SLC2A14: variants seen among roughly 807,000 people sequenced by gnomAD.
SLC2A14 encodes solute carrier family 2, facilitated glucose transporter member 14.
SLC2A14 carries 13 observed loss-of-function variants against 43.0 expected under a neutral mutation model. The observed-to-expected ratio is 0.30, with a 90% confidence interval of 0.20 to 0.48. SLC2A14 has a LOEUF of 0.48. SLC2A14 is among the 20% of genes least tolerant of loss of function. The pLI is 0.99. For missense variants in SLC2A14, 428 were observed against 620.4 expected (o/e 0.69, Z 3.29); for synonymous variants, 190 against 233.8 (o/e 0.81, Z 1.71).
intron 7 of SLC2A14, among the ~76,000 whole-genome samples, chr12:7,822,232 T>A (rs1863978830): frequency 6.6e-6 from 1 of 152,034 alleles, no homozygotes; most frequent in Admixed American, 6.5e-5. Context: ...GCGCTAGGAT[T>A]ACAGGCGTGA....
chr12:7,880,023 C>A (rs1945538191), intron 1 of SLC2A14, among the ~76,000 whole-genome samples: 1 of 151,088 alleles, frequency 6.6e-6, no homozygotes, highest in African/African-American at 2.4e-5. Context: ...AAACAACAGG[C>A]CGGGCATCAT....
intron 7 of SLC2A14, among the ~76,000 whole-genome samples, chr12:7,822,893 G>A (rs754289605): frequency 6.6e-6 from 1 of 152,158 alleles, no homozygotes; most frequent in East Asian, 1.9e-4. Context: ...ACACTGATAG[G>A]CACATTGATG....
At chr12:7,839,832 T>C (rs1865775003) in intron 2 of SLC2A14, 1 of 449,990 alleles carries the variant, frequency 2.2e-6, no homozygotes, top group Non-Finnish European at 4.4e-6. Flanking sequence ...TCAGCACTTT[T>C]GGAGGTCAAG....
chr12:7,877,026 T>C (rs981217902), upstream of SLC2A14, among the ~76,000 whole-genome samples: 6 of 149,374 alleles, frequency 4.0e-5, no homozygotes, highest in African/African-American at 1.5e-4. Context: ...TTTTTTGATA[T>C]GGAGTCTCGC....
At chr12:7,875,766 C>T (rs1244583244), upstream of SLC2A14, among the ~76,000 whole-genome samples, 7 of 151,738 alleles carry the variant, frequency 4.6e-5, no homozygotes, top group East Asian at 2.0e-4. Context: ...TGAGGTCAGG[C>T]GTTCAAGACC....
At chr12:7,869,411 C>A (rs956972698) in intron 2 of SLC2A14, among the ~76,000 whole-genome samples, 1 of 152,158 alleles carries the variant, frequency 6.6e-6, no homozygotes, top group Non-Finnish European at 1.5e-5. Context: ...TGATCTTTAT[C>A]ACAGTATGCA....
chr12:7,882,867 G>GA (rs1945611878), intron 1 of SLC2A14, among the ~76,000 whole-genome samples: 1 of 143,170 alleles, frequency 7.0e-6, no homozygotes, highest in African/African-American at 2.6e-5. Context: ...TCACCACTTG[G>GA]AAGTTGTTTC....
intron 2 of SLC2A14, among the ~76,000 whole-genome samples, chr12:7,859,814 C>T (rs1353342533): frequency 1.3e-5 from 2 of 152,096 alleles, no homozygotes; most frequent in East Asian, 1.9e-4. Context: ...GAGTTACAAA[C>T]GAAATGCTGA....
rs1158251159 is a variant in SLC2A14, at chr12:7,883,308, C to T, written c.132+7688G>A. On this transcript the variant is annotated intron_variant, in intron 1 of 9. Transcript: ENST00000539924. ...TTTGAGATGGAGTCTTGCTTTGTCT[C>T]CCAGGGTGGAGTGCAGGGGCGTGAT... 2.2e-5 allele frequency among the ~76,000 whole-genome samples: 3 copies of T among 136,624 alleles called. No homozygotes were observed. In the Admixed American group the frequency reaches 2.3e-4, roughly 11 times the overall value. The allele number at this position is 136,624 out of a possible 152,430, so 89.6% of individuals were successfully genotyped here. A position where few individuals can be genotyped will look rare whatever the true frequency, so the allele number is the denominator to read the frequency against.
chr12:7,827,379 G>C, intron 7 of SLC2A14, 116 bp downstream of exon 7: 1 of 1,422,106 alleles, frequency 7.0e-7, no homozygotes, highest in Non-Finnish European at 9.4e-7. Context: ...GGGTTCAAGC[G>C]ATTCTCCTGC....
chr12:7,855,432 C>A (rs2889505), intron 2 of SLC2A14, among the ~76,000 whole-genome samples: 148,491 of 151,928 alleles, frequency 0.98, 72,644 homozygotes, highest in East Asian at 1. Flanking sequence ...TGAGCCACTG[C>A]GCCCAACTCT....
At chr12:7,816,787 G>A (rs1326131055) in intron 10 of SLC2A14, among the ~76,000 whole-genome samples, 2 of 151,288 alleles carry the variant, frequency 1.3e-5, no homozygotes, top group African/African-American at 2.4e-5. Context: ...GGCTCACCAC[G>A]AACTCCACCT....
At chr12:7,866,501 A>G (rs1338365496) in intron 2 of SLC2A14, among the ~76,000 whole-genome samples, 2 of 151,902 alleles carry the variant, frequency 1.3e-5, no homozygotes, top group Non-Finnish European at 2.9e-5. Flanking sequence ...AGTAGCTGGA[A>G]CTATAGGCGC....
intron 2 of SLC2A14, among the ~76,000 whole-genome samples, chr12:7,869,036 C>T (rs1402544355): frequency 1.3e-5 from 2 of 151,598 alleles, no homozygotes; most frequent in African/African-American, 2.4e-5. Flanking sequence ...CCCAGCTACT[C>T]GGGAGGCTGA....
intron 1 of SLC2A14, chr12:7,871,361 G>T: frequency 1.5e-6 from 1 of 658,502 alleles, no homozygotes. Context: ...TGGCGCCAAG[G>T]GCAAAGATGA....
upstream of SLC2A14, among the ~76,000 whole-genome samples, chr12:7,875,501 C>A (rs117374638): frequency 5.4e-3 from 804 of 150,180 alleles, 28 homozygotes; most frequent in South Asian, 0.063. Context: ...GAGTGAGACT[C>A]CCTTTCAAAA....
intron 2 of SLC2A14, among the ~76,000 whole-genome samples, chr12:7,841,460 C>A (rs757620551): frequency 9.2e-5 from 14 of 152,018 alleles, no homozygotes; most frequent in Non-Finnish European, 1.9e-4. Context: ...GGGGTTTTGC[C>A]ATGTTGGCCA....
At chr12:7,871,659 C>T (rs1945241052) in intron 1 of SLC2A14, among the ~76,000 whole-genome samples, 1 of 152,004 alleles carries the variant, frequency 6.6e-6, no homozygotes, top group Non-Finnish European at 1.5e-5. Context: ...CCTGGAGGTA[C>T]TGAGAGAAAG....
chr12:7,854,476 C>T (rs1030393774), intron 2 of SLC2A14, among the ~76,000 whole-genome samples: 2 of 152,034 alleles, frequency 1.3e-5, no homozygotes, highest in African/African-American at 4.8e-5. Context: ...CCTCTCTTTT[C>T]TTTTGTTTTT....
Sources: allele counts gnomAD v4.1 joint callset (sites outside exome capture counted in the v4.1 genomes callset), GRCh38; gene constraint gnomAD v4.1.1; transcripts MANE v1.5; gene names NCBI Gene and HGNC (gene_info 2026-07-23, HGNC 2026-07-21).